The following CTNND2 variants were observed in gnomAD, a reference collection of about 807,000 sequenced individuals.
CTNND2 encodes catenin delta 2, also known as catenin delta-2.
CTNND2 carries 22 observed loss-of-function variants against 144.4 expected under a neutral mutation model. The ratio of observed to expected loss-of-function variants is 0.15; its 90% CI spans 0.11 to 0.22. The LOEUF is 0.22. Among genes scored for constraint, CTNND2 ranks in the 10% least tolerant of loss-of-function variants. The pLI, the probability that CTNND2 is intolerant of heterozygous loss-of-function variation, is 1.00. For synonymous variants in CTNND2, 751 were observed against 695.6 expected, an observed-to-expected ratio of 1.08 and a Z score of -1.25; for missense variants, 1,353 against 1,618.8, an observed-to-expected ratio of 0.84 and a Z score of 2.82.
intron 1 of CTNND2, among the ~76,000 whole-genome samples, chr5:11,878,316 T>C (rs1735711431): frequency 6.6e-6 from 1 of 152,208 alleles, no homozygotes; most frequent in Admixed American, 6.5e-5. Context: ...TTCTTTACTC[T>C]CTCTCCTCAC....
chr5:11,336,816 TCACA>T (rs1357852209), intron 9 of CTNND2, among the ~76,000 whole-genome samples: 1 of 152,098 alleles, frequency 6.6e-6, no homozygotes, highest in African/African-American at 2.4e-5. Context: ...AATGCTCATA[TCACA>T]CAAATACACT....
At position 11,346,615 on chromosome 5, in the gene CTNND2, G is replaced by T; in HGVS notation, c.1385C>A (p.Pro462His). Residue 462 changes from proline to histidine, a missense_variant, in exon 9 of 22, where the codon CCT becomes CAT. Physicochemically the swap from Pro to His is moderately conservative, Grantham distance 77. Coordinates refer to ENST00000304623, the MANE Select transcript of CTNND2 (RefSeq NM_001332.4). ...TYRTSTAPSS[P>H]GVDSVPLQRT... ...CTGCAAGGGGACGGAGTCGACACCAGGGGAAGATGGGGCTACGACAGGAAA... is the reference window on the plus strand; with the variant it reads ...CTGCAAGGGGACGGAGTCGACACCATGGGAAGATGGGGCTACGACAGGAAA... The T allele has an allele frequency of 6.6e-7, 1 of 1,512,226 alleles. No individual in the cohort carries two copies. 93.7% of individuals were successfully genotyped at this position (1,512,226 alleles called of 1,614,324 possible).
At chr5:11,726,061 A>G (rs144660577) in intron 2 of CTNND2, among the ~76,000 whole-genome samples, 1 of 152,032 alleles carries the variant, frequency 6.6e-6, no homozygotes, top group Admixed American at 6.6e-5. Flanking sequence ...ATGATGACAT[A>G]TTTTCCAAGC....
chr5:11,364,590 G>T (rs1454541645), intron 8 of CTNND2, 106 bp downstream of exon 8: 8 of 832,192 alleles, frequency 9.6e-6, no homozygotes, highest in Non-Finnish European at 1.4e-5. Context: ...TGCTTGTGGG[G>T]ATAGTGGACA....
At chr5:11,362,496 A>G (rs1256304490) in intron 8 of CTNND2, among the ~76,000 whole-genome samples, 1 of 152,192 alleles carries the variant, frequency 6.6e-6, no homozygotes, top group African/African-American at 2.4e-5. Flanking sequence ...CTTTATGCTT[A>G]GGAGCTGGAG....
chr5:11,006,832 G>C (rs1392337341), intron 18 of CTNND2, among the ~76,000 whole-genome samples: 1 of 152,208 alleles, frequency 6.6e-6, no homozygotes, highest in Non-Finnish European at 1.5e-5. Context: ...TCGTAAGATA[G>C]AAGCACGAAG....
chr5:11,672,906 C>T (rs1783978088), intron 2 of CTNND2, among the ~76,000 whole-genome samples: 1 of 152,194 alleles, frequency 6.6e-6, no homozygotes, highest in Non-Finnish European at 1.5e-5. Flanking sequence ...ACACCCCACC[C>T]TGCTTCGGCT....
At chr5:11,077,335 G>C (rs1749052950) in intron 16 of CTNND2, among the ~76,000 whole-genome samples, 1 of 152,200 alleles carries the variant, frequency 6.6e-6, no homozygotes, top group East Asian at 1.9e-4. Context: ...AGGGAAAGGA[G>C]CTGAGGGTAA....
chr5:11,488,088 T>C (rs958238501), intron 3 of CTNND2, among the ~76,000 whole-genome samples: 10 of 152,200 alleles, frequency 6.6e-5, no homozygotes, highest in African/African-American at 2.4e-4. Context: ...CAAAACCTCA[T>C]ATCCCAGCCT....
At chr5:11,852,820 G>C (rs545632338) in intron 1 of CTNND2, among the ~76,000 whole-genome samples, 1 of 152,294 alleles carries the variant, frequency 6.6e-6, no homozygotes, top group East Asian at 1.9e-4. Flanking sequence ...AAAAAGAAAA[G>C]AGGCAGCTGG....
intron 12 of CTNND2, among the ~76,000 whole-genome samples, chr5:11,137,115 GA>G (rs1299582888): frequency 6.6e-6 from 1 of 152,204 alleles, no homozygotes; most frequent in Non-Finnish European, 1.5e-5. Context: ...TTGTTGAATT[GA>G]AAAGACATAC....
intron 14 of CTNND2, among the ~76,000 whole-genome samples, chr5:11,105,358 G>C (rs555476619): frequency 2.6e-5 from 4 of 152,188 alleles, no homozygotes; most frequent in Admixed American, 2.0e-4. Flanking sequence ...CACCCAGGGG[G>C]ACAAGCGGCA....
intron 2 of CTNND2, among the ~76,000 whole-genome samples, chr5:11,679,416 C>G (rs1234321938): frequency 6.6e-6 from 1 of 152,124 alleles, no homozygotes; most frequent in Non-Finnish European, 1.5e-5. Flanking sequence ...TGCTGTAATT[C>G]ATTGAAGTCT....
intron 1 of CTNND2, among the ~76,000 whole-genome samples, chr5:11,849,906 C>A (rs1794935961): frequency 6.6e-6 from 1 of 152,032 alleles, no homozygotes; most frequent in African/African-American, 2.4e-5. Context: ...GGTTGAAAGC[C>A]AAATCTAGTC....
intron 2 of CTNND2, among the ~76,000 whole-genome samples, chr5:11,717,247 C>T (rs1176773593): frequency 2.0e-5 from 3 of 152,034 alleles, no homozygotes; most frequent in Admixed American, 1.3e-4. Context: ...TTTCACCTTA[C>T]TCACTGTATT....
chr5:11,590,011 T>A (rs985768143), intron 2 of CTNND2, among the ~76,000 whole-genome samples: 1 of 152,138 alleles, frequency 6.6e-6, no homozygotes, highest in African/African-American at 2.4e-5. Flanking sequence ...AAATAGGAAC[T>A]AAACAAGGTG....
intron 1 of CTNND2, among the ~76,000 whole-genome samples, chr5:11,871,360 C>T (rs1735105940): frequency 1.3e-5 from 2 of 152,134 alleles, no homozygotes; most frequent in South Asian, 4.1e-4. Flanking sequence ...CCATAGTTTC[C>T]TCATCTGTAA....
At chr5:11,895,420 G>A (rs1737315175) in intron 1 of CTNND2, among the ~76,000 whole-genome samples, 1 of 152,146 alleles carries the variant, frequency 6.6e-6, no homozygotes. Context: ...GAAGACACAG[G>A]AATTATTGTT....
At chr5:11,211,439 C>T (rs1406825839) in intron 10 of CTNND2, among the ~76,000 whole-genome samples, 1 of 152,228 alleles carries the variant, frequency 6.6e-6, no homozygotes, top group East Asian at 1.9e-4. Flanking sequence ...ACCACAGCAG[C>T]TTTTGACTGA....
Sources: allele counts gnomAD v4.1 joint callset (sites outside exome capture counted in the v4.1 genomes callset), GRCh38; gene constraint gnomAD v4.1.1; transcripts MANE v1.5; gene names NCBI Gene and HGNC (gene_info 2026-07-23, HGNC 2026-07-21).